SIMC1: variants seen among roughly 807,000 people sequenced by gnomAD.
SIMC1 encodes SUMO-interacting motif-containing protein 1.
A neutral mutation model predicts 82.3 loss-of-function variants in SIMC1; 55 were observed. That is an observed-to-expected ratio of 0.67 (90% CI 0.54 to 0.84). The LOEUF (loss-of-function observed/expected upper bound fraction) is 0.84. SIMC1 is among the 40% of genes least tolerant of loss of function. The pLI is 0.00. For missense variants in SIMC1, 915 were observed against 1,107.2 expected (o/e 0.83, Z 2.46); for synonymous variants, 353 against 426.3 (o/e 0.83, Z 2.12).
chr5:176,327,357 CT>C (rs1765438043), intron 7 of SIMC1, among the ~76,000 whole-genome samples: 1 of 152,298 alleles, frequency 6.6e-6, no homozygotes, highest in Non-Finnish European at 1.5e-5. Context: ...TGTAAACTAG[CT>C]TGCATACATA....
chr5:176,247,632 T>C (rs1226525630), intron 1 of SIMC1, among the ~76,000 whole-genome samples: 2 of 152,156 alleles, frequency 1.3e-5, no homozygotes, highest in Non-Finnish European at 2.9e-5. Flanking sequence ...TTTGTCAATT[T>C]TGGCTTTTGT....
Position 176,251,116 on chromosome 5 carries a change from C to G in SIMC1, c.129+12479C>G, listed in dbSNP as rs529556573. 2.0e-5 allele frequency among the ~76,000 whole-genome samples: 3 copies of G among 152,312 alleles called. No homozygotes were observed. The East Asian group carries it at 5.8e-4, about 29-fold the overall frequency. The stretch of plus-strand genomic sequence containing the variant: ...GTGGCTCACCCCTACAATCTCAGCA[C>G]TTTGGGAGGCCGAGGTGGGCAGATC... On this transcript the variant is annotated intron_variant, in intron 1 of 9. Coordinates refer to ENST00000429602, the MANE Select transcript of SIMC1 (RefSeq NM_001308195.2).
At chr5:176,302,021 TTCAAA>T (rs749468017) in intron 4 of SIMC1, among the ~76,000 whole-genome samples, 49 of 152,202 alleles carry the variant, frequency 3.2e-4, no homozygotes, top group Non-Finnish European at 2.9e-4. Flanking sequence ...TCTTATATAC[TTCAAA>T]TCATCTGTAG....
intron 4 of SIMC1, among the ~76,000 whole-genome samples, chr5:176,302,133 T>C (rs557668350): frequency 6.6e-6 from 1 of 152,340 alleles, no homozygotes; most frequent in South Asian, 2.1e-4. Context: ...TTTGTACATA[T>C]TCAGTGTAGA....
intron 2 of SIMC1, chr5:176,294,821 C>T (rs1449547246): frequency 2.7e-5 from 14 of 517,694 alleles, no homozygotes; most frequent in African/African-American, 1.2e-4. Flanking sequence ...GAAAATTAGC[C>T]GGGCGTGGTG....
chr5:176,324,574 G>A, intron 6 of SIMC1, 55 bp from the exon 7 acceptor site: 1 of 1,572,678 alleles, frequency 6.4e-7, no homozygotes, highest in Admixed American at 1.8e-5. Flanking sequence ...CCCAGCCAGA[G>A]AGTGGCTCCT....
At chr5:176,307,328 G>T (rs1435050012) in intron 4 of SIMC1, among the ~76,000 whole-genome samples, 1 of 152,182 alleles carries the variant, frequency 6.6e-6, no homozygotes, top group African/African-American at 2.4e-5. Context: ...ACAGGACTGT[G>T]AATATACTTA....
chr5:176,336,515 A>G (rs1765902221), intron 7 of SIMC1, among the ~76,000 whole-genome samples: 1 of 152,228 alleles, frequency 6.6e-6, no homozygotes, highest in South Asian at 2.1e-4. Context: ...CAAATGTGAA[A>G]GACTTTTTCC....
intron 4 of SIMC1, among the ~76,000 whole-genome samples, chr5:176,311,667 A>G (rs1290513107): frequency 6.6e-6 from 1 of 152,216 alleles, no homozygotes. Flanking sequence ...GGAGAAAAAA[A>G]CAAAACTCTA....
At chr5:176,281,337 TTTTTTTCAAAG>T (rs1762997644) in intron 1 of SIMC1, among the ~76,000 whole-genome samples, 2 of 152,126 alleles carry the variant, frequency 1.3e-5, no homozygotes, top group Non-Finnish European at 2.9e-5. Context: ...TTCGTCTAAA[TTTTTTTCAAAG>T]TTTTTAACTT....
Position 176,289,684 on chromosome 5 carries a change from C to T in SIMC1, c.160C>T (p.Pro54Ser), listed in dbSNP as rs755400087. 3 of 1,610,260 alleles carry T rather than the reference C, an allele frequency of 1.9e-6. No homozygotes were observed. The highest frequency in any genetic ancestry group is 1.3e-5 in the African/African-American group (1 of 74,824). The stretch of plus-strand genomic sequence containing the variant: ...CATTGACTTAACTAGAGAGACCAGA[C>T]CAAGGACAAAAGATCGCAGTGGACT... Reference protein sequence around the residue: ...DFIDLTRETRPRTKDRSGLYV... With the variant: ...DFIDLTRETRSRTKDRSGLYV... The change falls in exon 2 of 10, where the codon CCA becomes TCA. Residue 54 changes from proline to serine, a missense_variant. Pro to Ser is a moderately conservative substitution (Grantham distance 74, BLOSUM62 -1). This residue lies in a region of SIMC1 where 902 missense variants were observed against 1,040.3 expected (regional missense o/e 0.87). Transcript: ENST00000429602.
At chr5:176,328,632 C>T (rs1233400067) in intron 7 of SIMC1, among the ~76,000 whole-genome samples, 1 of 151,830 alleles carries the variant, frequency 6.6e-6, no homozygotes, top group African/African-American at 2.4e-5. Context: ...GAACACTGGG[C>T]ATAAATTTAA....
At chr5:176,259,001 A>G (rs1761932377) in intron 1 of SIMC1, among the ~76,000 whole-genome samples, 1 of 151,418 alleles carries the variant, frequency 6.6e-6, no homozygotes, top group Non-Finnish European at 1.5e-5. Flanking sequence ...GTATAATTCC[A>G]TACCATACCA....
rs1484981647 is a variant in SIMC1, at chr5:176,322,663, C to T, written c.2042+238C>T. 15 of 458,936 alleles carry T rather than the reference C, an allele frequency of 3.3e-5. No homozygotes were observed. In the Admixed American group the frequency reaches 3.5e-4, roughly 11 times the overall value. The allele number at this position is 458,936 out of a possible 1,614,324, so 28.4% of individuals were successfully genotyped here. On this transcript the variant is annotated intron_variant, in intron 6 of 9. Transcript: ENST00000429602. The stretch of plus-strand genomic sequence containing the variant: ...TCACAAAGTGAATACGAAGTCACAA[C>T]GCAGATGCAAAACAAATGCTAGAGG...
chr5:176,338,107 G>A (rs1458972475), intron 9 of SIMC1, among the ~76,000 whole-genome samples: 1 of 152,190 alleles, frequency 6.6e-6, no homozygotes, highest in African/African-American at 2.4e-5. Context: ...CATCATGTAT[G>A]TAATGTTCTT....
At chr5:176,250,751 A>C (rs1761622826) in intron 1 of SIMC1, among the ~76,000 whole-genome samples, 1 of 152,132 alleles carries the variant, frequency 6.6e-6, no homozygotes, top group African/African-American at 2.4e-5. Flanking sequence ...TTGTTGGTTT[A>C]AAGTCTGTTT....
Position 176,324,682 on chromosome 5 carries a change from C to T in SIMC1, c.2096C>T (p.Thr699Ile). The T allele has an allele frequency of 6.2e-7, 1 of 1,608,162 alleles. No individual in the cohort carries two copies. The highest frequency in any genetic ancestry group is 2.2e-5 in the East Asian group (1 of 44,778). ...MLSIAVEVDR[T>I]PTCSSNKIAE... ...TCCATAGCCGTAGAGGTGGACAGGA[C>T]CCCCACCTGCAGCTCCAATAAAATT... is the stretch of plus-strand genomic sequence containing the variant. Residue 699 changes from threonine (T) to isoleucine (I), a missense_variant, in exon 7 of 10, where the codon ACC becomes ATC. By Grantham distance (89) the Thr-to-Ile change is moderately conservative. Around this residue, in one of 2 missense-constraint regions of SIMC1, gnomAD observed 902 missense variants for 1,040.3 expected, o/e 0.87. Coordinates refer to ENST00000429602, the MANE Select transcript of SIMC1 (RefSeq NM_001308195.2).
At chr5:176,291,052 G>A (rs558228904) in intron 2 of SIMC1, 97 bp downstream of exon 2, 4 of 712,422 alleles carry the variant, frequency 5.6e-6, no homozygotes, top group Admixed American at 3.1e-5. Flanking sequence ...GACAGGTCAA[G>A]CATAAATGAA....
chr5:176,249,266 G>A (rs1363551241), intron 1 of SIMC1, among the ~76,000 whole-genome samples: 2 of 151,996 alleles, frequency 1.3e-5, no homozygotes, highest in Non-Finnish European at 2.9e-5. Flanking sequence ...ATTAATTACT[G>A]CCTCAATTTC....
Sources: gnomAD v4.1 joint callset for allele counts (sites outside exome capture counted in the v4.1 genomes callset) on GRCh38, gnomAD v4.1.1 for gene constraint, gnomAD v4.1.1 regional missense constraint, MANE v1.5 for transcripts, NCBI Gene and HGNC (gene_info 2026-07-23, HGNC 2026-07-21) for gene names.